Variants in GATA6 observed in about 807,000 individuals in gnomAD.
GATA6 encodes transcription factor GATA-6.
A neutral mutation model predicts 48.1 loss-of-function variants in GATA6; 11 were observed. That is an observed-to-expected ratio of 0.23 (90% CI 0.14 to 0.38). GATA6 has a LOEUF of 0.38. Ranked by LOEUF, GATA6 falls within the 10% of genes least tolerant of loss-of-function variation. The probability of loss-of-function intolerance (pLI) is 1.00; values close to 1 mark genes in which losing one functional copy is unlikely to be tolerated. For synonymous variants in GATA6, 419 were observed against 396.1 expected, an observed-to-expected ratio of 1.06 and a Z score of -0.69; for missense variants, 795 against 850.3, an observed-to-expected ratio of 0.93 and a Z score of 0.81.
Position 22,171,239 on chromosome 18 carries a change from C to A in GATA6, c.95C>A (p.Pro32His). ...TCCAGAGCCTTTCCAGCGCGGGAGC[C>A]CTCCACGCCGCCTTCCCCCATCTCT... Reference protein sequence around the residue: ...SDSRAFPAREPSTPPSPISSS... With the variant: ...SDSRAFPAREHSTPPSPISSS... The change falls in exon 2 of 7, where the codon CCC (proline) becomes CAC (histidine). Residue 32 changes from proline (P) to histidine (H), a missense_variant. Physicochemically the swap from Pro to His is moderately conservative, Grantham distance 77. Coordinates refer to ENST00000269216, the MANE Select transcript of GATA6 (RefSeq NM_005257.6). This position sits in a 1 kb window ranked among gnomAD's most constrained non-coding sequence, Gnocchi z 7.1. 2 of 1,598,984 alleles carry A rather than the reference C, an allele frequency of 1.3e-6. No homozygotes were observed. The highest frequency in any genetic ancestry group is 1.7e-4 in the Middle Eastern group (1 of 6,042).
intron 6 of GATA6, among the ~76,000 whole-genome samples, chr18:22,188,760 T>C (rs573256496): frequency 2.7e-4 from 41 of 152,262 alleles, no homozygotes; most frequent in African/African-American, 9.6e-4. Flanking sequence ...CAGAGTTTCC[T>C]CCTCACAATT....
Position 22,170,960 on chromosome 18 carries a change from A to G in GATA6, c.-37-148A>G. 1 of 620,060 alleles carries G rather than the reference A, an allele frequency of 1.6e-6. No individual in the cohort carries two copies. The highest frequency in any genetic ancestry group is 2.8e-5 in the East Asian group (1 of 35,802). 38.4% of individuals were successfully genotyped at this position (620,060 alleles called of 1,614,324 possible). A position where few individuals can be genotyped will look rare whatever the true frequency, so the allele number is the denominator to read the frequency against. On this transcript the variant is annotated intron_variant, in intron 1 of 6. Transcript: ENST00000269216. The surrounding 1 kb of genome is among the most constrained non-coding windows in gnomAD (Gnocchi z 6.7). ...TGATCTCCACGCCCGGGGCAGAAAT[A>G]GGATCTTTGAGAAGTCTCAAATGGG...
rs763118929 is a variant in GATA6, at chr18:22,171,645, C to T, written c.501C>T (p.Gly167=). ...CGGCCGCCTACGACGGCGCGCCCGG[C>T]GGCTTCGTGCACTCTGCGGCCGCGG... The part of the protein sequence containing the change: ...QGPAAYDGAP[G]GFVHSAAAAA... The change falls in exon 2 of 7, where the codon GGC becomes GGT. Residue 167 remains glycine (G), a synonymous_variant. Transcript: ENST00000269216. This position sits in a 1 kb window ranked among gnomAD's most constrained non-coding sequence, Gnocchi z 7.1. 2 of 1,585,798 alleles carry T rather than the reference C, an allele frequency of 1.3e-6. No individual in the cohort carries two copies. Among genetic ancestry groups the T allele is most frequent in the South Asian group, 2.2e-5 (2 of 88,994 alleles).
At chr18:22,190,264 G>A (rs148014427) in intron 6 of GATA6, among the ~76,000 whole-genome samples, 1,885 of 151,956 alleles carry the variant, frequency 0.012, 43 homozygotes, top group African/African-American at 0.044. Flanking sequence ...ATGGCAGTTG[G>A]GTAACATTAA....
At chr18:22,199,579 G>C (rs2033430322) in intron 6 of GATA6, among the ~76,000 whole-genome samples, 1 of 152,170 alleles carries the variant, frequency 6.6e-6, no homozygotes, top group African/African-American at 2.4e-5. Context: ...AGGAATGGGT[G>C]GAACAGGGCA....
intron 2 of GATA6, among the ~76,000 whole-genome samples, chr18:22,173,910 T>C (rs2033088566): frequency 6.6e-6 from 1 of 152,254 alleles, no homozygotes; most frequent in Admixed American, 6.5e-5. Context: ...ACTGGGATTA[T>C]AGGCGTGAGC....
intron 6 of GATA6, among the ~76,000 whole-genome samples, chr18:22,193,539 G>C (rs1392413513): frequency 6.6e-6 from 1 of 152,186 alleles, no homozygotes; most frequent in Non-Finnish European, 1.5e-5. Context: ...AGGGACGGCT[G>C]GCTTCCCCTC....
intron 3 of GATA6, among the ~76,000 whole-genome samples, chr18:22,178,077 T>G (rs561427397): frequency 1.6e-4 from 23 of 145,162 alleles, no homozygotes; most frequent in Middle Eastern, 7.1e-3. Flanking sequence ...TTCTCCTGCC[T>G]CAGCCTCCCG....
chr18:22,182,727 A>T, intron 4 of GATA6, 30 bp from the exon 5 acceptor site: 1 of 1,482,710 alleles, frequency 6.7e-7, no homozygotes, highest in Non-Finnish European at 9.4e-7. Flanking sequence ...ATATAATATT[A>T]AATTTATGGC....
chr18:22,188,740 A>T (rs539625587), intron 6 of GATA6, among the ~76,000 whole-genome samples: 1 of 152,104 alleles, frequency 6.6e-6, no homozygotes, highest in East Asian at 1.9e-4. Flanking sequence ...CTGCTTGTCA[A>T]GTTTACAAGC....
chr18:22,181,634 A>C, intron 4 of GATA6, 56 bp downstream of exon 4: 1 of 1,596,728 alleles, frequency 6.3e-7, no homozygotes, highest in Non-Finnish European at 8.6e-7. Flanking sequence ...TTTGTATGTG[A>C]TATCAGTTAC....
In GATA6 at chr18:22,176,936, C is replaced by A; in HGVS notation, c.1136-19C>A. 1 of 1,536,800 alleles carries A rather than the reference C, an allele frequency of 6.5e-7. No homozygotes were observed. Among genetic ancestry groups the A allele is most frequent in the Non-Finnish European group, 8.7e-7 (1 of 1,146,590 alleles). On this transcript the variant is annotated intron_variant, in intron 2 of 6. Coordinates refer to ENST00000269216, the MANE Select transcript of GATA6 (RefSeq NM_005257.6). ...TCCGGCGCGCCCACTCCCGCCCTCA[C>A]GCACCGCTGTCGCCGCAGACCTGCT...
chr18:22,182,684 T>G, intron 4 of GATA6, 73 bp from the exon 5 acceptor site: 1 of 1,077,554 alleles, frequency 9.3e-7, no homozygotes, highest in South Asian at 1.4e-5. Flanking sequence ...TGAGAGCTTT[T>G]AGTGCCAATG....
chr18:22,200,206 C>G (rs553756235), intron 6 of GATA6, among the ~76,000 whole-genome samples: 2 of 149,130 alleles, frequency 1.3e-5, no homozygotes, highest in African/African-American at 4.9e-5. Flanking sequence ...TGTGTGCGCG[C>G]GCACGCATGC....
At position 22,171,889 on chromosome 18, in the gene GATA6, C is replaced by A; in HGVS notation, c.745C>A (p.Pro249Thr). ...GGAAGGGAAG[P>T]GGAGSAAAHV... The stretch of plus-strand genomic sequence containing the variant: ...CGCGGCTGGCGGCGGGGCCGCGGGG[C>A]CTGGCGGCGCTGGCTCAGCCGCGGC... Residue 249 changes from proline to threonine, a missense_variant, in exon 2 of 7, where the codon CCT becomes ACT. By Grantham distance (38) the Pro-to-Thr change is conservative. Transcript: ENST00000269216. This position sits in a 1 kb window ranked among gnomAD's most constrained non-coding sequence, Gnocchi z 7.1. 1 of 1,151,992 alleles carries A rather than the reference C, an allele frequency of 8.7e-7. No homozygotes were observed. Among genetic ancestry groups the A allele is most frequent in the Non-Finnish European group, 1.1e-6 (1 of 937,914 alleles). The allele number at this position is 1,151,992 out of a possible 1,614,324, so 71.4% of individuals were successfully genotyped here.
At chr18:22,192,014 A>T (rs186406370) in intron 6 of GATA6, among the ~76,000 whole-genome samples, 7 of 152,314 alleles carry the variant, frequency 4.6e-5, no homozygotes, top group Non-Finnish European at 8.8e-5. Flanking sequence ...TATTTTATTA[A>T]ACACAAGTAT....
In GATA6 at chr18:22,182,933, G is replaced by A. The variant is rs1470338235; in HGVS notation, c.1517-7G>A. ...TATATTTATAAGGTTTATTTTGACTGTTGCAGGTAATAGCAATAATTCCAT... is the reference window on the plus strand; with the variant it reads ...TATATTTATAAGGTTTATTTTGACTATTGCAGGTAATAGCAATAATTCCAT... On this transcript the variant is annotated splice_region_variant and splice_polypyrimidine_tract_variant and intron_variant, in intron 5 of 6. Coordinates refer to ENST00000269216, the MANE Select transcript of GATA6 (RefSeq NM_005257.6). 3.1e-6 allele frequency: 5 copies of A among 1,610,850 alleles called. No individual in the cohort carries two copies. Among genetic ancestry groups the A allele is most frequent in the African/African-American group, 1.3e-5 (1 of 74,860 alleles).
At chr18:22,179,367 A>C (rs2033166526) in intron 3 of GATA6, among the ~76,000 whole-genome samples, 1 of 152,226 alleles carries the variant, frequency 6.6e-6, no homozygotes, top group East Asian at 1.9e-4. Context: ...TTATGGTGTA[A>C]CTTGAATTCC....
At chr18:22,190,675 C>T (rs2033314884) in intron 6 of GATA6, among the ~76,000 whole-genome samples, 1 of 152,128 alleles carries the variant, frequency 6.6e-6, no homozygotes, top group Non-Finnish European at 1.5e-5. Context: ...ACAAAACAAG[C>T]CAGTATTGAA....
Sources: allele counts gnomAD v4.1 joint callset (sites outside exome capture counted in the v4.1 genomes callset), GRCh38; gene constraint gnomAD v4.1.1; non-coding constraint Gnocchi (gnomAD v3.1); transcripts MANE v1.5; gene names NCBI Gene and HGNC (gene_info 2026-07-23, HGNC 2026-07-21).